RXRA: variants seen among roughly 807,000 people sequenced by gnomAD.
RXRA encodes the protein retinoid X receptor alpha.
Under a neutral mutation model 44.5 loss-of-function variants are expected in RXRA, and 5 were observed. The ratio of observed to expected loss-of-function variants is 0.11; its 90% CI spans 0.06 to 0.24. The LOEUF (loss-of-function observed/expected upper bound fraction) is 0.24. Ranked by LOEUF, RXRA falls within the 10% of genes least tolerant of loss-of-function variation. The pLI, the probability that RXRA is intolerant of heterozygous loss-of-function variation, is 1.00. For missense variants in RXRA, 412 were observed against 646.5 expected (o/e 0.64, Z 3.93); for synonymous variants, 291 against 271.4 (o/e 1.07, Z -0.71).
chr9:134,417,026 C>T lies in RXRA; in HGVS notation c.611-132C>T. On this transcript the variant is annotated intron_variant, in intron 4 of 9. Coordinates refer to ENST00000481739, the MANE Select transcript of RXRA (RefSeq NM_002957.6). This position sits in a 1 kb window ranked among gnomAD's most constrained non-coding sequence, Gnocchi z 6.1. ...TGGGGCAGAGATGGGGTCTCCATCA[C>T]CCAGTGCTGGTGGGGATGCTGGTGT... 1.1e-6 allele frequency: 1 copy of T among 938,808 alleles called. No individual in the cohort carries two copies. The highest frequency in any genetic ancestry group is 1.6e-5 in the South Asian group (1 of 61,912). 58.2% of individuals were successfully genotyped at this position (938,808 alleles called of 1,614,324 possible).
chr9:134,427,649 G>A (rs1831456750), intron 6 of RXRA, among the ~76,000 whole-genome samples: 1 of 152,222 alleles, frequency 6.6e-6, no homozygotes, highest in East Asian at 1.9e-4. Context: ...GGGGAGAATG[G>A]GGACGGTGAC....
At chr9:134,391,799 T>G (rs1422379657) in intron 1 of RXRA, among the ~76,000 whole-genome samples, 1 of 152,180 alleles carries the variant, frequency 6.6e-6, no homozygotes, top group Non-Finnish European at 1.5e-5. Context: ...GACCGAGGCT[T>G]CAGAAAGCCA....
chr9:134,349,222 C>T lies in RXRA; in HGVS notation c.28+22563C>T, dbSNP rs1031114481. ...TGGGCCTGCAGACCCCAACTCCCTG[C>T]ACCAGCCTGGCCCCGAGCTCCCACT... On this transcript the variant is annotated intron_variant, in intron 1 of 9. Coordinates refer to ENST00000481739, the MANE Select transcript of RXRA (RefSeq NM_002957.6). The surrounding 1 kb of genome is among the most constrained non-coding windows in gnomAD (Gnocchi z 4.3). Among the ~76,000 whole-genome samples the T allele has an allele frequency of 6.6e-6, 1 of 152,212 alleles. No homozygotes were observed. The highest frequency in any genetic ancestry group is 6.5e-5 in the Admixed American group (1 of 15,292).
rs1831063007 is a variant in RXRA at position 134,407,063 on chromosome 9, C to T, written c.280-1086C>T. Among the ~76,000 whole-genome samples, 1 of 152,208 alleles carries T rather than the reference C, an allele frequency of 6.6e-6. No individual in the cohort carries two copies. Among genetic ancestry groups the T allele is most frequent in the African/African-American group, 2.4e-5 (1 of 41,454 alleles). ...CAGCCCACCTGAGTCCTGCAGGGACCAAGCATCCTTGTAAAGCCTCACAGC... is the reference window on the plus strand; with the variant it reads ...CAGCCCACCTGAGTCCTGCAGGGACTAAGCATCCTTGTAAAGCCTCACAGC... On this transcript the variant is annotated intron_variant, in intron 2 of 9. Transcript: ENST00000481739. The surrounding 1 kb of genome is among the most constrained non-coding windows in gnomAD (Gnocchi z 4.8).
At chr9:134,355,059 C>T (rs1045895535) in intron 1 of RXRA, among the ~76,000 whole-genome samples, 7 of 152,230 alleles carry the variant, frequency 4.6e-5, no homozygotes, top group African/African-American at 1.7e-4. Flanking sequence ...ATATACATCC[C>T]ATCTCCTGCA....
Position 134,409,017 on chromosome 9 carries a change from A to T in RXRA, c.508A>T (p.Thr170Ser), listed in dbSNP as rs762835417. The change falls in exon 4 of 10, where the codon ACC becomes TCC. Residue 170 changes from threonine to serine, a missense_variant. This residue lies in a region of RXRA where 48 missense variants were observed against 119.9 expected (regional missense o/e 0.40). Coordinates refer to ENST00000481739, the MANE Select transcript of RXRA (RefSeq NM_002957.6). ...KRTVRKDLTY[T>S]CRDNKDCLID... ...GACGGTGCGCAAGGACCTGACCTAC[A>T]CCTGCCGCGACAACAAGGACTGCCT... is the stretch of plus-strand genomic sequence containing the variant. The T allele has an allele frequency of 1.9e-6, 3 of 1,606,328 alleles. No individual in the cohort carries two copies. The highest frequency in any genetic ancestry group is 1.7e-6 in the Non-Finnish European group (2 of 1,177,048).
chr9:134,372,506 C>A (rs1257709289), intron 1 of RXRA, among the ~76,000 whole-genome samples: 1 of 152,138 alleles, frequency 6.6e-6, no homozygotes. Context: ...GATTTGTTAT[C>A]ACTGGGTTCC....
rs886315496 is a variant in RXRA, at chr9:134,362,017, G to C, written c.28+35358G>C. Among the ~76,000 whole-genome samples the C allele has an allele frequency of 3.3e-5, 5 of 152,290 alleles. No individual in the cohort carries two copies. In the East Asian group the frequency reaches 9.7e-4, roughly 29 times the overall value. ...TGCTGGGCTTGGCAGGGCTGCCATT[G>C]GTGGGAGGAGCCCCAATCTGTCTCC... On this transcript the variant is annotated intron_variant, in intron 1 of 9. Transcript: ENST00000481739.
At chr9:134,348,500 C>G (rs1342567505) in intron 1 of RXRA, among the ~76,000 whole-genome samples, 1 of 138,954 alleles carries the variant, frequency 7.2e-6, no homozygotes, top group Admixed American at 7.2e-5. Flanking sequence ...GGCTGCTTGT[C>G]CCCTGCTGCA....
intron 1 of RXRA, among the ~76,000 whole-genome samples, chr9:134,381,505 C>T (rs1830645859): frequency 6.6e-6 from 1 of 151,944 alleles, no homozygotes; most frequent in African/African-American, 2.4e-5. Flanking sequence ...ATTGTGTGTG[C>T]TGTAAGGGCC....
chr9:134,339,867 CTG>C (rs372797831), intron 1 of RXRA, among the ~76,000 whole-genome samples: 17,218 of 150,030 alleles, frequency 0.11, 1,038 homozygotes, highest in South Asian at 0.16. Flanking sequence ...GTGTGTGTGT[CTG>C]TGAACATCCA....
At position 134,365,047 on chromosome 9, in the gene RXRA, C is replaced by T. The variant is rs1830396759; in HGVS notation, c.29-36585C>T. ...CCGGTTGCCCAGCTGGGGGATGGGG[C>T]AGGCCCACAGCTTCTGGGGAGAGCG... On this transcript the variant is annotated intron_variant, in intron 1 of 9. Coordinates refer to ENST00000481739, the MANE Select transcript of RXRA (RefSeq NM_002957.6). The surrounding 1 kb of genome is among the most constrained non-coding windows in gnomAD (Gnocchi z 4.0). Among the ~76,000 whole-genome samples, 1 of 152,178 alleles carries T rather than the reference C, an allele frequency of 6.6e-6. No homozygotes were observed. Among genetic ancestry groups the T allele is most frequent in the African/African-American group, 2.4e-5 (1 of 41,430 alleles).
chr9:134,344,228 C>G (rs1203650034), intron 1 of RXRA, among the ~76,000 whole-genome samples: 1 of 152,080 alleles, frequency 6.6e-6, no homozygotes, highest in Non-Finnish European at 1.5e-5. Flanking sequence ...CCCTTTTTCC[C>G]AGCCTCCTCT....
chr9:134,374,654 G>A (rs1275911833), intron 1 of RXRA, among the ~76,000 whole-genome samples: 2 of 152,228 alleles, frequency 1.3e-5, no homozygotes, highest in African/African-American at 2.4e-5. Flanking sequence ...CCAGGCCAGC[G>A]GCTGCCTGGG....
At chr9:134,397,673 G>A (rs971096899) in intron 1 of RXRA, among the ~76,000 whole-genome samples, 8 of 152,172 alleles carry the variant, frequency 5.3e-5, no homozygotes, top group African/African-American at 1.7e-4. Context: ...CCTGGGGTTC[G>A]GAGTCACACT....
In RXRA at chr9:134,436,631, T is replaced by A. The variant is rs1831626640; in HGVS notation, c.*17T>A. 1 of 1,613,308 alleles carries A rather than the reference T, an allele frequency of 6.2e-7. No individual in the cohort carries two copies. Among genetic ancestry groups the A allele is most frequent in the African/African-American group, 1.3e-5 (1 of 74,934 alleles). On this transcript the variant is annotated 3_prime_UTR_variant, in exon 10 of 10. Transcript: ENST00000481739. ...ATGACTTAGGCCTGCGGGCCCATCCTTTGTGCCCACCCGTTCTGGCCACCC... is the reference window on the plus strand; with the variant it reads ...ATGACTTAGGCCTGCGGGCCCATCCATTGTGCCCACCCGTTCTGGCCACCC...
rs757359951 is a variant in RXRA, at chr9:134,414,882, ATGGAGGGTCG to A, written c.611-2273_611-2264del. Reference sequence around the variant, plus strand: ...CGGCTCTATAGGCTCAGGACCCTGTATGGAGGGTCGTGTCAGTAGTGACCCCGCCCCGGAT... The same window carrying A: ...CGGCTCTATAGGCTCAGGACCCTGTATGTCAGTAGTGACCCCGCCCCGGAT... On this transcript the variant is annotated intron_variant, in intron 4 of 9. Coordinates refer to ENST00000481739, the MANE Select transcript of RXRA (RefSeq NM_002957.6). 3.9e-5 allele frequency among the ~76,000 whole-genome samples: 6 copies of A among 152,144 alleles called. 1 individual carries two copies. Among genetic ancestry groups the A allele is most frequent in the Admixed American group, 2.6e-4 (4 of 15,296 alleles).
chr9:134,424,679 G>A lies in RXRA; in HGVS notation c.910+2874G>A, dbSNP rs531574129. The A allele has an allele frequency of 5.2e-5, 51 of 985,486 alleles. No homozygotes were observed. The East Asian group carries it at 5.7e-4, about 11-fold the overall frequency. The allele number at this position is 985,486 out of a possible 1,614,324, so 61.0% of individuals were successfully genotyped here. On this transcript the variant is annotated intron_variant, in intron 6 of 9. Transcript: ENST00000481739. ...ACTGAAGCACACGTCCAATTCAGAT[G>A]TGGAACACTGGAGTTTGAAGCCTGC...
In RXRA at chr9:134,424,528, A is replaced by G. The variant is rs541854285; in HGVS notation, c.910+2723A>G. 16 of 985,352 alleles carry G rather than the reference A, an allele frequency of 1.6e-5. No individual in the cohort carries two copies. The African/African-American group carries it at 2.8e-4, about 17-fold the overall frequency. 61.0% of individuals were successfully genotyped at this position (985,352 alleles called of 1,614,324 possible). ...CATTTCCGGCATGAGTCCCAGCCCCACTACCCACGAGCAGCTGACCTTGGC... is the reference window on the plus strand; with the variant it reads ...CATTTCCGGCATGAGTCCCAGCCCCGCTACCCACGAGCAGCTGACCTTGGC... On this transcript the variant is annotated intron_variant, in intron 6 of 9. Transcript: ENST00000481739.
Sources: gnomAD v4.1 joint callset for allele counts (sites outside exome capture counted in the v4.1 genomes callset) on GRCh38, gnomAD v4.1.1 for gene constraint, gnomAD v4.1.1 regional missense constraint, Gnocchi (gnomAD v3.1) non-coding constraint, MANE v1.5 for transcripts, NCBI Gene and HGNC (gene_info 2026-07-23, HGNC 2026-07-21) for gene names.